The following DNAJC24 variants were observed in gnomAD, a reference collection of about 807,000 sequenced individuals.
The protein encoded by DNAJC24 is dnaJ homolog subfamily C member 24.
A neutral mutation model predicts 18.0 loss-of-function variants in DNAJC24; 17 were observed. The observed-to-expected ratio is 0.94, with a 90% CI of 0.65 to 1.42. The LOEUF (loss-of-function observed/expected upper bound fraction) is 1.42, where lower values mean the gene tolerates loss of function less well. Ranked by LOEUF, DNAJC24 falls within the 40% of genes most tolerant of loss-of-function variation. The pLI, the probability that DNAJC24 is intolerant of heterozygous loss-of-function variation, is 0.00. For synonymous variants in DNAJC24, 55 were observed against 57.7 expected (o/e 0.95, Z 0.21); for missense variants, 158 against 175.6 (o/e 0.90, Z 0.57).
chr11:31,429,481 A>T, intron 4 of DNAJC24: 1 of 402,218 alleles, frequency 2.5e-6, no homozygotes, highest in South Asian at 1.7e-5. Flanking sequence ...TTCCTTTGAC[A>T]GTTACTTCTC....
At chr11:31,401,261 T>G (rs1952598698) in intron 2 of DNAJC24, among the ~76,000 whole-genome samples, 1 of 152,198 alleles carries the variant, frequency 6.6e-6, no homozygotes, top group Non-Finnish European at 1.5e-5. Context: ...ATAGGAATGC[T>G]TTTACACTGT....
At chr11:31,395,554 G>T (rs1952536587) in intron 2 of DNAJC24, among the ~76,000 whole-genome samples, 1 of 152,034 alleles carries the variant, frequency 6.6e-6, no homozygotes, top group Non-Finnish European at 1.5e-5. Flanking sequence ...TTAAATGATA[G>T]TCATTCTGAC....
chr11:31,377,557 G>C (rs1471127730), intron 2 of DNAJC24, among the ~76,000 whole-genome samples: 1 of 151,974 alleles, frequency 6.6e-6, no homozygotes, highest in Non-Finnish European at 1.5e-5. Context: ...AATCAATTGT[G>C]AATTGATTTT....
chr11:31,397,733 T>A (rs1034069819), intron 2 of DNAJC24, among the ~76,000 whole-genome samples: 1 of 152,168 alleles, frequency 6.6e-6, no homozygotes, highest in Non-Finnish European at 1.5e-5. Context: ...CCTCACCAAC[T>A]GTTTAACAGC....
chr11:31,413,004 C>G (rs1952722583), intron 2 of DNAJC24, among the ~76,000 whole-genome samples: 1 of 152,138 alleles, frequency 6.6e-6, no homozygotes, highest in African/African-American at 2.4e-5. Context: ...GTATTTGACT[C>G]AATTTACTGA....
intron 2 of DNAJC24, among the ~76,000 whole-genome samples, chr11:31,383,229 C>T (rs976641781): frequency 6.6e-6 from 1 of 151,904 alleles, no homozygotes. Context: ...CAACCATCAA[C>T]CCCTCTCCAC....
chr11:31,374,343 A>G, intron 2 of DNAJC24: 1 of 152,308 alleles, frequency 6.6e-6, no homozygotes, highest in Non-Finnish European at 1.5e-5. Context: ...TTTTGCATTT[A>G]TTGAATTTTT....
rs1952672336 is a variant in DNAJC24, at chr11:31,407,963, A to G, written c.112-6848A>G. On this transcript the variant is annotated intron_variant, in intron 2 of 4. Transcript: ENST00000465995. ...ACCACTGGCATATTGTTCACATTTC[A>G]TCAGCATCTTCATCTGTGACATAAG... 4 of 375,978 alleles carry G rather than the reference A, an allele frequency of 1.1e-5. No individual in the cohort carries two copies. In the Admixed American group the frequency reaches 1.3e-4, roughly 13 times the overall value. 23.3% of individuals were successfully genotyped at this position (375,978 alleles called of 1,614,324 possible).
At chr11:31,409,645 C>T (rs946252673) in intron 2 of DNAJC24, among the ~76,000 whole-genome samples, 1 of 152,068 alleles carries the variant, frequency 6.6e-6, no homozygotes, top group Non-Finnish European at 1.5e-5. Flanking sequence ...TTTACCTATT[C>T]TGCAGTTGAT....
chr11:31,371,980 G>A (rs1410522204), intron 2 of DNAJC24, among the ~76,000 whole-genome samples: 3 of 151,382 alleles, frequency 2.0e-5, no homozygotes, highest in South Asian at 2.1e-4. Context: ...ATGCCACCAC[G>A]CCTGGCTAAT....
chr11:31,422,094 A>AG (rs1242300078), intron 3 of DNAJC24: 2 of 301,054 alleles, frequency 6.6e-6, no homozygotes, highest in African/African-American at 4.5e-5. Context: ...CAAGGTCAGA[A>AG]GGGCCTATAC....
At chr11:31,384,069 GC>G (rs1324848423) in intron 2 of DNAJC24, among the ~76,000 whole-genome samples, 1 of 152,120 alleles carries the variant, frequency 6.6e-6, no homozygotes, top group East Asian at 1.9e-4. Flanking sequence ...ACTCTTTGAT[GC>G]TTTTACAGTG....
At chr11:31,394,966 T>G (rs1952531233) in intron 2 of DNAJC24, among the ~76,000 whole-genome samples, 1 of 152,206 alleles carries the variant, frequency 6.6e-6, no homozygotes, top group East Asian at 1.9e-4. Flanking sequence ...GTATAGATTA[T>G]TTTGTCACTC....
intron 3 of DNAJC24, chr11:31,416,097 A>G (rs954102220): frequency 2.0e-5 from 3 of 152,170 alleles, no homozygotes; most frequent in Admixed American, 6.5e-5. Flanking sequence ...TTATAGTACT[A>G]ATCAGCTCAA....
intron 2 of DNAJC24, chr11:31,384,804 T>G (rs1422512228): frequency 1.3e-5 from 2 of 152,158 alleles, no homozygotes; most frequent in African/African-American, 4.8e-5. Flanking sequence ...CAATAGCTAG[T>G]CTGAAGATAT....
chr11:31,400,677 G>A (rs1952592810), intron 2 of DNAJC24, among the ~76,000 whole-genome samples: 1 of 152,230 alleles, frequency 6.6e-6, no homozygotes, highest in Admixed American at 6.5e-5. Context: ...CTAGCCATAT[G>A]CAGAAAACTG....
chr11:31,408,065 A>T, intron 2 of DNAJC24: 2 of 455,360 alleles, frequency 4.4e-6, no homozygotes, highest in South Asian at 3.1e-5. Context: ...ATATAAAAAA[A>T]ATTCCGACTT....
At chr11:31,374,992 T>G (rs558156) in intron 2 of DNAJC24, among the ~76,000 whole-genome samples, 24,281 of 134,130 alleles carry the variant, frequency 0.18, 7,130 homozygotes, top group African/African-American at 0.53. Context: ...TTATTCCTTT[T>G]CTGTTACTAT....
chr11:31,378,385 T>A (rs934723085), intron 2 of DNAJC24, among the ~76,000 whole-genome samples: 2 of 152,192 alleles, frequency 1.3e-5, no homozygotes, highest in Non-Finnish European at 2.9e-5. Context: ...AACAATTCTT[T>A]TTCGTGATAA....
Sources: gnomAD v4.1 joint callset for allele counts (sites outside exome capture counted in the v4.1 genomes callset) on GRCh38, gnomAD v4.1.1 for gene constraint, MANE v1.5 for transcripts, NCBI Gene and HGNC (gene_info 2026-07-23, HGNC 2026-07-21) for gene names.